The following RAPGEF1 variants were observed in gnomAD, a reference collection of about 807,000 sequenced individuals.
RAPGEF1 encodes CRK SH3-binding GNRP.
Under a neutral mutation model 143.3 loss-of-function variants are expected in RAPGEF1, and 33 were observed. That is an observed-to-expected ratio of 0.23 (90% CI 0.17 to 0.31). RAPGEF1 has a LOEUF of 0.31. Ranked by LOEUF, RAPGEF1 falls within the 10% of genes least tolerant of loss-of-function variation. RAPGEF1 has a pLI of 1.00. For synonymous variants in RAPGEF1, 629 were observed against 676.5 expected (o/e 0.93, Z 1.09); for missense variants, 1,199 against 1,645.4 (o/e 0.73, Z 4.69).
At chr9:131,683,646 A>G (rs1833097597) in intron 1 of RAPGEF1, among the ~76,000 whole-genome samples, 1 of 152,226 alleles carries the variant, frequency 6.6e-6, no homozygotes, top group Non-Finnish European at 1.5e-5. Flanking sequence ...AAGCGTTTTC[A>G]TTGTTTTACA....
At chr9:131,683,732 A>T (rs1205057026) in intron 1 of RAPGEF1, among the ~76,000 whole-genome samples, 2 of 152,262 alleles carry the variant, frequency 1.3e-5, no homozygotes, top group African/African-American at 4.8e-5. Context: ...TTTCAGCTCA[A>T]AAAGCGGAGC....
At chr9:131,600,152 A>G (rs529777387) in intron 15 of RAPGEF1, among the ~76,000 whole-genome samples, 43 of 152,242 alleles carry the variant, frequency 2.8e-4, no homozygotes, top group African/African-American at 9.4e-4. Flanking sequence ...GTAAAAGAAT[A>G]TGGATGGGTC....
intron 1 of RAPGEF1, among the ~76,000 whole-genome samples, chr9:131,664,481 T>G (rs1357107783): frequency 1.3e-5 from 2 of 152,224 alleles, no homozygotes; most frequent in Admixed American, 1.3e-4. Context: ...AAGTTAATAC[T>G]GTTATTTCTT....
At chr9:131,629,028 G>A (rs1397221034) in intron 7 of RAPGEF1, 74 bp downstream of exon 7, 1 of 1,546,114 alleles carries the variant, frequency 6.5e-7, no homozygotes, top group Non-Finnish European at 8.7e-7. Flanking sequence ...AGGGGAAAGG[G>A]CCCGAGCCCT....
At chr9:131,590,053 A>G in intron 18 of RAPGEF1, 75 bp from the exon 19 acceptor site, 5 of 1,312,298 alleles carry the variant, frequency 3.8e-6, no homozygotes, top group Non-Finnish European at 5.5e-6. Flanking sequence ...CCTGGTGACC[A>G]CTCACTGAGC....
chr9:131,597,909 A>G (rs1327820201), intron 16 of RAPGEF1, among the ~76,000 whole-genome samples: 1 of 152,154 alleles, frequency 6.6e-6, no homozygotes, highest in Non-Finnish European at 1.5e-5. Flanking sequence ...GAGCATTTAC[A>G]GGGGTTCCAT....
intron 1 of RAPGEF1, among the ~76,000 whole-genome samples, chr9:131,715,921 A>G (rs982252098): frequency 5.3e-5 from 8 of 152,024 alleles, no homozygotes; most frequent in Non-Finnish European, 7.4e-5. Context: ...ACTCATTACA[A>G]TAAAATGGAG....
intron 1 of RAPGEF1, among the ~76,000 whole-genome samples, chr9:131,702,719 A>T (rs779564198): frequency 6.6e-6 from 1 of 152,206 alleles, no homozygotes. Context: ...TAAGGACATC[A>T]TCCAACAGAA....
At chr9:131,620,558 C>G (rs1255607120) in intron 11 of RAPGEF1, among the ~76,000 whole-genome samples, 1 of 152,164 alleles carries the variant, frequency 6.6e-6, no homozygotes, top group East Asian at 1.9e-4. Context: ...AGGTGAGGAT[C>G]TGAGACTCTG....
chr9:131,719,640 G>A (rs1444618849), intron 1 of RAPGEF1, among the ~76,000 whole-genome samples: 1 of 138,754 alleles, frequency 7.2e-6, no homozygotes, highest in Non-Finnish European at 1.5e-5. Flanking sequence ...TAGGCACTTA[G>A]CCCATGCAGT....
intron 6 of RAPGEF1, 102 bp from the exon 7 acceptor site, chr9:131,629,356 G>T: frequency 8.3e-7 from 1 of 1,205,018 alleles, no homozygotes; most frequent in Non-Finnish European, 1.2e-6. Context: ...GAACACAGTG[G>T]GTGAGGTGGG....
intron 1 of RAPGEF1, among the ~76,000 whole-genome samples, chr9:131,670,045 C>T (rs1314265327): frequency 6.6e-6 from 1 of 152,144 alleles, no homozygotes; most frequent in Non-Finnish European, 1.5e-5. Flanking sequence ...ACTGAAGCCT[C>T]GAAGTGACCC....
At chr9:131,640,616 T>G (rs1967647004) in intron 4 of RAPGEF1, among the ~76,000 whole-genome samples, 2 of 152,096 alleles carry the variant, frequency 1.3e-5, no homozygotes, top group Admixed American at 1.3e-4. Flanking sequence ...CGCTCTCACA[T>G]GGGCCTCTGC....
chr9:131,655,581 T>C lies in RAPGEF1; in HGVS notation c.62-4632A>G, dbSNP rs1009951580. On this transcript the variant is annotated intron_variant, in intron 1 of 26. Transcript: ENST00000683357. This position sits in a 1 kb window ranked among gnomAD's most constrained non-coding sequence, Gnocchi z 4.1. ...TGGATGTGAACAGTCTAATCCTTCA[T>C]GTGATGCTTAAGAGGGTGTGCACTG... 3.9e-5 allele frequency among the ~76,000 whole-genome samples: 6 copies of C among 152,186 alleles called. No homozygotes were observed. The highest frequency in any genetic ancestry group is 9.7e-5 in the African/African-American group (4 of 41,436).
intron 1 of RAPGEF1, among the ~76,000 whole-genome samples, chr9:131,687,485 G>A (rs1451376367): frequency 4.0e-5 from 6 of 149,336 alleles, no homozygotes; most frequent in Non-Finnish European, 5.9e-5. Flanking sequence ...GTGAGCCATC[G>A]CACCCGGCCT....
rs779504807 is a variant in RAPGEF1 at position 131,603,948 on chromosome 9, C to G, written c.2412+13G>C. The stretch of plus-strand genomic sequence containing the variant: ...GCCAGGCCACATGCAGGAGGCCGCC[C>G]GAGGTTACTTACTCCTCGAGAGGGA... On this transcript the variant is annotated intron_variant, in intron 14 of 26. Coordinates refer to ENST00000683357, the MANE Select transcript of RAPGEF1 (RefSeq NM_001377935.1). 7.6e-7 allele frequency: 1 copy of G among 1,308,348 alleles called. No individual in the cohort carries two copies. Among genetic ancestry groups the G allele is most frequent in the Non-Finnish European group, 1.0e-6 (1 of 989,356 alleles). 81.0% of individuals were successfully genotyped at this position (1,308,348 alleles called of 1,614,324 possible).
intron 10 of RAPGEF1, among the ~76,000 whole-genome samples, 172 bp downstream of exon 10, chr9:131,625,750 A>T (rs1962806120): frequency 6.6e-6 from 1 of 152,220 alleles, no homozygotes. Context: ...TTTAAAAATG[A>T]TCACGTGTAA....
rs61380087 is a variant in RAPGEF1 at position 131,659,673 on chromosome 9, T to C, written c.62-8724A>G. 3.6e-3 allele frequency among the ~76,000 whole-genome samples: 542 copies of C among 152,320 alleles called. 1 individual carries two copies. Among genetic ancestry groups the C allele is most frequent in the African/African-American group, 0.013 (522 of 41,562 alleles). Reference sequence around the variant, plus strand: ...AAATGTGACCCGTGTGTAAAGCATGTAGCCAAGGACCTGATATATAGCAAA... The same window carrying C: ...AAATGTGACCCGTGTGTAAAGCATGCAGCCAAGGACCTGATATATAGCAAA... On this transcript the variant is annotated intron_variant, in intron 1 of 26. Transcript: ENST00000683357.
At chr9:131,619,294 G>GAGCAACCTCCAC in intron 11 of RAPGEF1, 88 bp from the exon 12 acceptor site, 1 of 1,155,262 alleles carries the variant, frequency 8.7e-7, no homozygotes, top group South Asian at 1.4e-5. Flanking sequence ...AGGCCGTGGA[G>GAGCAACCTCCAC]GTTGCTCTCC....
Sources: gnomAD v4.1 joint callset for allele counts (sites outside exome capture counted in the v4.1 genomes callset) on GRCh38, gnomAD v4.1.1 for gene constraint, Gnocchi (gnomAD v3.1) non-coding constraint, MANE v1.5 for transcripts, NCBI Gene and HGNC (gene_info 2026-07-23, HGNC 2026-07-21) for gene names.